The following ARID1B variants were observed in gnomAD, a reference collection of about 807,000 sequenced individuals.
ARID1B encodes the protein AT-rich interaction domain 1B.
In ARID1B, 30 loss-of-function variants were observed where a neutral mutation model predicts 212.3. The observed-to-expected ratio is 0.14, with a 90% CI of 0.11 to 0.19. The LOEUF is 0.19. ARID1B is among the 10% of genes least tolerant of loss of function. The pLI, the probability that ARID1B is intolerant of heterozygous loss-of-function variation, is 1.00. For missense variants in ARID1B, 2,891 were observed against 3,204.0 expected (o/e 0.90, Z 2.36); for synonymous variants, 1,402 against 1,301.7 (o/e 1.08, Z -1.66).
chr6:157,115,522 G>A (rs1231058911), intron 6 of ARID1B, among the ~76,000 whole-genome samples: 1 of 152,168 alleles, frequency 6.6e-6, no homozygotes, highest in African/African-American at 2.4e-5. Context: ...CGCCTTCCGG[G>A]TTCACGCCAT....
intron 1 of ARID1B, among the ~76,000 whole-genome samples, chr6:156,797,864 C>G (rs1162913090): frequency 1.3e-5 from 2 of 152,014 alleles, no homozygotes; most frequent in African/African-American, 4.8e-5. Context: ...CTAGGGGGCA[C>G]CAACCTTTAG....
chr6:156,847,191 G>A (rs1357361336), intron 2 of ARID1B, among the ~76,000 whole-genome samples: 1 of 151,954 alleles, frequency 6.6e-6, no homozygotes, highest in Non-Finnish European at 1.5e-5. Context: ...TTTTCTAATA[G>A]GTTTTAATAC....
rs1788940772 is a variant in ARID1B at position 156,901,540 on chromosome 6, CTG to C, written c.2136+16_2136+17del. ...AGCCGCAGCAGGTGAGCACAGTGCA[CTG>C]CCCCGCAGGGCCCTGTTTTCTCCAC... is the stretch of plus-strand genomic sequence containing the variant. On this transcript the variant is annotated intron_variant, in intron 3 of 19. Coordinates refer to ENST00000636930, the MANE Select transcript of ARID1B (RefSeq NM_001374828.1). The C allele has an allele frequency of 5.6e-6, 9 of 1,611,050 alleles. No individual in the cohort carries two copies. The highest frequency in any genetic ancestry group is 7.6e-6 in the Non-Finnish European group (9 of 1,179,078).
At chr6:156,944,225 A>G (rs1051511120) in intron 4 of ARID1B, among the ~76,000 whole-genome samples, 2 of 152,182 alleles carry the variant, frequency 1.3e-5, no homozygotes, top group Middle Eastern at 3.2e-3. Context: ...GTACATTGAA[A>G]TCTTCAGAAA....
In ARID1B at chr6:156,784,902, G is replaced by A. The variant is rs540992882; in HGVS notation, c.1791+5431G>A. Among the ~76,000 whole-genome samples, 30 of 152,294 alleles carry A rather than the reference G, an allele frequency of 2.0e-4. 1 individual carries two copies. Among genetic ancestry groups the A allele is most frequent in the Non-Finnish European group, 1.5e-5 (1 of 68,012 alleles). On this transcript the variant is annotated intron_variant, in intron 1 of 19. Coordinates refer to ENST00000636930, the MANE Select transcript of ARID1B (RefSeq NM_001374828.1). ...AGCCCCGCAAGCAGCTGGGACTACA[G>A]GTGCACGCCATCACACCTGGCTAAT...
At chr6:156,805,606 C>T (rs1043410960) in intron 1 of ARID1B, among the ~76,000 whole-genome samples, 28 of 152,106 alleles carry the variant, frequency 1.8e-4, no homozygotes, top group Admixed American at 4.6e-4. Flanking sequence ...ATCCAAATGT[C>T]ACCTTTGCTT....
intron 2 of ARID1B, among the ~76,000 whole-genome samples, chr6:156,897,818 G>A (rs927103698): frequency 1.3e-5 from 2 of 152,164 alleles, no homozygotes; most frequent in Non-Finnish European, 2.9e-5. Flanking sequence ...ACGTGTGTCA[G>A]ATTTGGGTAG....
intron 11 of ARID1B, among the ~76,000 whole-genome samples, chr6:157,179,526 T>G (rs926350640): frequency 6.6e-6 from 1 of 152,222 alleles, no homozygotes; most frequent in Non-Finnish European, 1.5e-5. Context: ...TAAGCTCTTA[T>G]CTAAAGTGGT....
chr6:157,024,061 C>T (rs529479566), intron 4 of ARID1B: 1 of 152,360 alleles, frequency 6.6e-6, no homozygotes, highest in South Asian at 2.1e-4. Flanking sequence ...TGAGATTTAT[C>T]TGCCTGTGCA....
At chr6:156,993,686 A>G (rs1029827095) in intron 4 of ARID1B, among the ~76,000 whole-genome samples, 3 of 152,242 alleles carry the variant, frequency 2.0e-5, no homozygotes, top group African/African-American at 7.2e-5. Context: ...TGTAGTAGGA[A>G]TAATATTTAT....
At chr6:157,108,017 C>T (rs1273051220) in intron 5 of ARID1B, 1 of 152,070 alleles carries the variant, frequency 6.6e-6, no homozygotes, top group Non-Finnish European at 1.5e-5. Context: ...TAAACTATGC[C>T]TGTGGAAGAT....
intron 4 of ARID1B, chr6:156,937,114 G>A (rs1792306198): frequency 6.6e-6 from 1 of 151,972 alleles, no homozygotes; most frequent in East Asian, 1.9e-4. Flanking sequence ...TGGTTTTGAA[G>A]GAGGGAAATA....
chr6:156,927,123 T>C (rs1791289158), intron 3 of ARID1B, among the ~76,000 whole-genome samples: 1 of 152,234 alleles, frequency 6.6e-6, no homozygotes, highest in Non-Finnish European at 1.5e-5. Flanking sequence ...TTTCCAATAA[T>C]CTCATAAATG....
chr6:157,025,653 T>C (rs1583171059), intron 4 of ARID1B, among the ~76,000 whole-genome samples: 1 of 152,240 alleles, frequency 6.6e-6, no homozygotes. Context: ...TTCCTTTTCA[T>C]TGGTGAGTCG....
At chr6:156,821,910 C>T (rs1252131551) in intron 1 of ARID1B, among the ~76,000 whole-genome samples, 2 of 152,198 alleles carry the variant, frequency 1.3e-5, no homozygotes, top group African/African-American at 4.8e-5. Flanking sequence ...TTTGAGGTCT[C>T]TCCCCCAACA....
rs748678063 is a variant in ARID1B at position 157,094,495 on chromosome 6, T to C, written c.2491+9590T>C. 1.3e-5 allele frequency among the ~76,000 whole-genome samples: 2 copies of C among 152,036 alleles called. No homozygotes were observed. The highest frequency in any genetic ancestry group is 2.9e-5 in the Non-Finnish European group (2 of 67,996). On this transcript the variant is annotated intron_variant, in intron 5 of 19. Coordinates refer to ENST00000636930, the MANE Select transcript of ARID1B (RefSeq NM_001374828.1). This position sits in a 1 kb window ranked among gnomAD's most constrained non-coding sequence, Gnocchi z 4.3. ...TCAGCCTCCCGAGTAGCTGGGACTA[T>C]AGGCACATGTCACCACGCTTGGCTA...
chr6:156,964,559 C>T (rs1305752951), intron 4 of ARID1B, among the ~76,000 whole-genome samples: 1 of 151,992 alleles, frequency 6.6e-6, no homozygotes, highest in Admixed American at 6.6e-5. Context: ...TTTATGATGG[C>T]GTAATTTTAT....
At chr6:157,110,338 G>A (rs1786815720) in intron 5 of ARID1B, 134 bp from the exon 6 acceptor site, 1 of 705,014 alleles carries the variant, frequency 1.4e-6, no homozygotes, top group East Asian at 2.7e-5. Flanking sequence ...TACACTCTGA[G>A]CTATGTCTTT....
intron 8 of ARID1B, chr6:157,149,638 T>G (rs972623299): frequency 1.3e-5 from 2 of 152,232 alleles, no homozygotes; most frequent in East Asian, 1.9e-4. Context: ...ATACTTGACC[T>G]GGATAAAAAT....
Sources: gnomAD v4.1 joint callset for allele counts (sites outside exome capture counted in the v4.1 genomes callset) on GRCh38, gnomAD v4.1.1 for gene constraint, Gnocchi (gnomAD v3.1) non-coding constraint, MANE v1.5 for transcripts, NCBI Gene and HGNC (gene_info 2026-07-23, HGNC 2026-07-21) for gene names.